SLC66A2: variants seen among roughly 807,000 people sequenced by gnomAD.
SLC66A2 encodes PQ loop repeat containing 1.
SLC66A2 carries 23 observed loss-of-function variants against 25.5 expected under a neutral mutation model. The observed-to-expected ratio is 0.90, with a 90% CI of 0.65 to 1.28. The LOEUF is 1.28. SLC66A2 is among the 50% of genes most tolerant of loss of function. The probability of loss-of-function intolerance (pLI) is 0.00; values close to 1 mark genes in which losing one functional copy is unlikely to be tolerated. For synonymous variants in SLC66A2, 193 were observed against 166.5 expected (o/e 1.16, Z -1.23); for missense variants, 396 against 373.1 (o/e 1.06, Z -0.51).
intron 2 of SLC66A2, 86 bp downstream of exon 2, chr18:79,950,638 T>C (rs2051086277): frequency 7.2e-7 from 1 of 1,386,250 alleles, no homozygotes; most frequent in African/African-American, 1.4e-5. Flanking sequence ...GTGTGGACCC[T>C]GCTGCTCCCC....
Position 79,937,382 on chromosome 18 carries a change from G to A in SLC66A2, c.338-3360C>T, listed in dbSNP as rs1173529461. 2.0e-5 allele frequency among the ~76,000 whole-genome samples: 3 copies of A among 152,208 alleles called. No individual in the cohort carries two copies. Among genetic ancestry groups the A allele is most frequent in the Admixed American group, 2.0e-4 (3 of 15,288 alleles). On this transcript the variant is annotated intron_variant, in intron 3 of 5. Transcript: ENST00000397778. This position sits in a 1 kb window ranked among gnomAD's most constrained non-coding sequence, Gnocchi z 5.4. ...GAGGGAAGAACTGGAGCATTAACAA[G>A]CGTAATAATCCAGTAACACACCAAA...
chr18:79,906,534 T>C (rs1982151260), intron 5 of SLC66A2, among the ~76,000 whole-genome samples: 1 of 152,238 alleles, frequency 6.6e-6, no homozygotes, highest in South Asian at 2.1e-4. Context: ...AGACTTAAGA[T>C]CTATTTCTGC....
At position 79,940,720 on chromosome 18, in the gene SLC66A2, C is replaced by G. The variant is rs957154080; in HGVS notation, c.337+2609G>C. Among the ~76,000 whole-genome samples, 1 of 152,166 alleles carries G rather than the reference C, an allele frequency of 6.6e-6. No individual in the cohort carries two copies. Among genetic ancestry groups the G allele is most frequent in the African/African-American group, 2.4e-5 (1 of 41,428 alleles). On this transcript the variant is annotated intron_variant, in intron 3 of 5. Transcript: ENST00000397778. This position sits in a 1 kb window ranked among gnomAD's most constrained non-coding sequence, Gnocchi z 4.1. ...CATGAGCCCACACCTTTCATCAAGA[C>G]GCCCTGCAGGAACAGGCCTGGCCCA...
chr18:79,912,436 C>T (rs550396606), intron 5 of SLC66A2, among the ~76,000 whole-genome samples: 2 of 152,310 alleles, frequency 1.3e-5, no homozygotes, highest in Non-Finnish European at 2.9e-5. Context: ...ACCCCTTCTG[C>T]AGCATGGATG....
chr18:79,950,678 A>C (rs1599680065), intron 2 of SLC66A2, 46 bp downstream of exon 2: 1 of 1,592,728 alleles, frequency 6.3e-7, no homozygotes, highest in Non-Finnish European at 8.6e-7. Flanking sequence ...CAAAGGAGAA[A>C]CCCTCTTCTC....
At chr18:79,908,905 T>C (rs568210284) in intron 5 of SLC66A2, among the ~76,000 whole-genome samples, 11 of 152,244 alleles carry the variant, frequency 7.2e-5, no homozygotes, top group Non-Finnish European at 1.6e-4. Context: ...CCAAGAACGT[T>C]TGCTCTTACC....
intron 4 of SLC66A2, among the ~76,000 whole-genome samples, chr18:79,928,313 T>C (rs1313989241): frequency 1.3e-5 from 2 of 152,188 alleles, no homozygotes; most frequent in East Asian, 1.9e-4. Flanking sequence ...ACACACCCCA[T>C]GGAGAATGCT....
rs867388857 is a variant in SLC66A2, at chr18:79,919,990, G to A, written c.392-590C>T. Among the ~76,000 whole-genome samples the A allele has an allele frequency of 8.0e-3, 6 of 752 alleles. 2 individuals carry two copies. Among genetic ancestry groups the A allele is most frequent in the Admixed American group, 0.048 (2 of 42 alleles). 0.5% of individuals were successfully genotyped at this position (752 alleles called of 152,430 possible). ...GAGACAGGAACCGAGGGAGAGGTCAGGGTCAGTGGAGGAGAGACAGGAACC... is the reference window on the plus strand; with the variant it reads ...GAGACAGGAACCGAGGGAGAGGTCAAGGTCAGTGGAGGAGAGACAGGAACC... On this transcript the variant is annotated intron_variant, in intron 4 of 5. Transcript: ENST00000397778.
chr18:79,933,968 C>T lies in SLC66A2; in HGVS notation c.391+1G>A, dbSNP rs1426331555. The T allele has an allele frequency of 1.9e-6, 3 of 1,611,662 alleles. No individual in the cohort carries two copies. The highest frequency in any genetic ancestry group is 1.7e-5 in the Admixed American group (1 of 59,800). On this transcript the variant is annotated splice_donor_variant, in intron 4 of 5. Transcript: ENST00000397778. LOFTEE classifies it high-confidence loss of function. ...GGACAGTGCACGCGCAGGGTACATA[C>T]CCAGGAAGGACCGCCTGGGGGCAAC...
Position 79,950,775 on chromosome 18 carries a change from G to A in SLC66A2, c.152C>T (p.Thr51Ile). ...CACCAGCAGCACCAGGCACACGTAG[G>A]TGGAGAAGCCGTCGGCGTTCTGCGT... ...RRTQNADGFSTYVCLVLLVAN... is the reference protein window; with the variant it reads ...RRTQNADGFSIYVCLVLLVAN... The change falls in exon 2 of 6, where the codon ACC becomes ATC. Residue 51 changes from threonine to isoleucine, a missense_variant. Thr to Ile is a moderately conservative substitution (Grantham distance 89, BLOSUM62 -1). Coordinates refer to ENST00000397778, the MANE Select transcript of SLC66A2 (RefSeq NM_025078.5). 1 of 1,613,260 alleles carries A rather than the reference G, an allele frequency of 6.2e-7. No individual in the cohort carries two copies. The highest frequency in any genetic ancestry group is 8.5e-7 in the Non-Finnish European group (1 of 1,180,004).
intron 5 of SLC66A2, among the ~76,000 whole-genome samples, chr18:79,905,819 G>A (rs1266380144): frequency 6.6e-6 from 1 of 152,226 alleles, no homozygotes; most frequent in Non-Finnish European, 1.5e-5. Context: ...TGCAGCATCA[G>A]CTCACACTTG....
At chr18:79,942,895 T>C (rs1199635961) in intron 3 of SLC66A2, among the ~76,000 whole-genome samples, 1 of 152,166 alleles carries the variant, frequency 6.6e-6, no homozygotes, top group African/African-American at 2.4e-5. Flanking sequence ...ACAAGGTCTG[T>C]GAGGAAGACC....
In SLC66A2 at chr18:79,951,618, C is replaced by G. The variant is rs1023628710; in HGVS notation, c.-137G>C. 4.6e-5 allele frequency: 7 copies of G among 151,648 alleles called. No homozygotes were observed. Among genetic ancestry groups the G allele is most frequent in the African/African-American group, 1.5e-4 (6 of 41,298 alleles). The allele number at this position is 151,648 out of a possible 1,614,324, so 9.4% of individuals were successfully genotyped here. The stretch of plus-strand genomic sequence containing the variant: ...CCCCGCGCCCAGCGCCCCGCGTCCC[C>G]GCGCCGCTGACCCGCGCGCGTCTCG... On this transcript the variant is annotated 5_prime_UTR_variant, in exon 1 of 6. Transcript: ENST00000397778.
chr18:79,943,222 GAAATGAAA>G (rs1987844659), intron 3 of SLC66A2, 99 bp downstream of exon 3: 1 of 1,381,732 alleles, frequency 7.2e-7, no homozygotes, highest in Non-Finnish European at 9.8e-7. Flanking sequence ...ACCACTTGGT[GAAATGAAA>G]GCTGCTTGGA....
chr18:79,923,769 C>T (rs1985579448), intron 4 of SLC66A2, among the ~76,000 whole-genome samples: 1 of 152,152 alleles, frequency 6.6e-6, no homozygotes, highest in Non-Finnish European at 1.5e-5. Context: ...AAAACATGGC[C>T]AGGCGCAGTG....
chr18:79,916,276 C>CACG (rs549806942), intron 5 of SLC66A2, among the ~76,000 whole-genome samples: 8 of 144,166 alleles, frequency 5.5e-5, no homozygotes, highest in African/African-American at 1.9e-4. Flanking sequence ...CTCCCGTACC[C>CACG]GTGGTGCTCC....
chr18:79,925,685 G>C (rs1170266412), intron 4 of SLC66A2, among the ~76,000 whole-genome samples: 1 of 152,218 alleles, frequency 6.6e-6, no homozygotes, highest in Non-Finnish European at 1.5e-5. Context: ...TTTACCACTT[G>C]GGGAATGTGC....
At chr18:79,905,870 AACAC>A (rs751958644) in intron 5 of SLC66A2, among the ~76,000 whole-genome samples, 28 of 152,276 alleles carry the variant, frequency 1.8e-4, no homozygotes, top group Non-Finnish European at 3.4e-4. Context: ...TAACTCTGTA[AACAC>A]ACACACACCC....
rs202147190 is a variant in SLC66A2 at position 79,950,703 on chromosome 18, G to A, written c.203+21C>T. 2.2e-4 allele frequency: 349 copies of A among 1,611,982 alleles called. No homozygotes were observed. The East Asian group carries it at 5.6e-3, about 26-fold the overall frequency. ...ACCCTCTTCTCCGGGTGCAGCCCAG[G>A]AAAGCAAGCCCCCAACTTACCAGAA... On this transcript the variant is annotated intron_variant, in intron 2 of 5. Transcript: ENST00000397778.
Sources: gnomAD v4.1 joint callset for allele counts (sites outside exome capture counted in the v4.1 genomes callset) on GRCh38, gnomAD v4.1.1 for gene constraint, Gnocchi (gnomAD v3.1) non-coding constraint, MANE v1.5 for transcripts, NCBI Gene and HGNC (gene_info 2026-07-23, HGNC 2026-07-21) for gene names.